Variants in FKBP3 observed in about 807,000 individuals in gnomAD.
The protein encoded by FKBP3 is FKBP prolyl isomerase 3, also known as peptidyl-prolyl cis-trans isomerase FKBP3.
Under a neutral mutation model 30.6 loss-of-function variants are expected in FKBP3, and 21 were observed. That is an observed-to-expected ratio of 0.69 (90% confidence interval 0.49 to 0.99). FKBP3 has a LOEUF of 0.99. Among genes scored for constraint, FKBP3 ranks in the 50% least tolerant of loss-of-function variants. The pLI is 0.00. For synonymous variants in FKBP3, 82 were observed against 91.3 expected (o/e 0.90, Z 0.58); for missense variants, 283 against 261.6 (o/e 1.08, Z -0.56).
At chr14:45,130,525 T>C (rs1885190028) in intron 2 of FKBP3, among the ~76,000 whole-genome samples, 174 bp downstream of exon 2, 1 of 152,250 alleles carries the variant, frequency 6.6e-6, no homozygotes, top group Admixed American at 6.5e-5. Flanking sequence ...CATTCTGCCA[T>C]ACTGCAGATT....
In FKBP3 at chr14:45,130,732, C is replaced by A. The variant is rs1885194672; in HGVS notation, c.177G>T (p.Leu59Phe). ...NVAKTANKDHLVTAYNHLFET... is the reference protein window; with the variant it reads ...NVAKTANKDHFVTAYNHLFET... The stretch of plus-strand genomic sequence containing the variant: ...CAAAAAGATGGTTATAGGCTGTAAC[C>A]AAGTGGTCCTTGTTAGCTGTCTTGG... The change falls in exon 2 of 7, where the codon TTG (leucine) becomes TTT (phenylalanine). Residue 59 changes from leucine (L) to phenylalanine (F), a missense_variant. Physicochemically the swap from Leu to Phe is conservative, Grantham distance 22. Coordinates refer to ENST00000396062, the MANE Select transcript of FKBP3 (RefSeq NM_002013.4). 1.2e-6 allele frequency: 2 copies of A among 1,609,830 alleles called. No individual in the cohort carries two copies. The highest frequency in any genetic ancestry group is 1.7e-6 in the Non-Finnish European group (2 of 1,177,960).
intron 6 of FKBP3, 172 bp from the exon 7 acceptor site, chr14:45,116,424 G>C: frequency 1.9e-6 from 1 of 515,050 alleles, no homozygotes; most frequent in Non-Finnish European, 3.5e-6. Flanking sequence ...ACTTAATGAA[G>C]ACTATTAAGT....
At chr14:45,120,662 T>C (rs1297535423) in intron 5 of FKBP3, among the ~76,000 whole-genome samples, 1 of 152,208 alleles carries the variant, frequency 6.6e-6, no homozygotes, top group Non-Finnish European at 1.5e-5. Flanking sequence ...GCTCATTTAA[T>C]CTTCTAAAAA....
chr14:45,119,118 A>G (rs567462842), intron 5 of FKBP3, among the ~76,000 whole-genome samples: 13 of 152,334 alleles, frequency 8.5e-5, no homozygotes, highest in African/African-American at 2.4e-4. Flanking sequence ...TGGCCTCTCC[A>G]TATTTTCCAA....
chr14:45,128,311 T>C (rs1885143605), intron 3 of FKBP3, among the ~76,000 whole-genome samples: 1 of 152,122 alleles, frequency 6.6e-6, no homozygotes, highest in Admixed American at 6.6e-5. Context: ...CACTCCAGCC[T>C]GGGTGAGACT....
chr14:45,117,886 T>G (rs1165777025), intron 6 of FKBP3, 142 bp downstream of exon 6: 1 of 645,286 alleles, frequency 1.5e-6, no homozygotes, highest in Non-Finnish European at 2.7e-6. Flanking sequence ...TGCTGACACA[T>G]AAGCATCTAA....
At chr14:45,119,632 G>T (rs555942321) in intron 5 of FKBP3, among the ~76,000 whole-genome samples, 2 of 151,538 alleles carry the variant, frequency 1.3e-5, no homozygotes, top group Non-Finnish European at 2.9e-5. Flanking sequence ...TACAGAAATA[G>T]AAAAATGGCC....
intron 3 of FKBP3, among the ~76,000 whole-genome samples, chr14:45,128,594 A>G (rs1885149822): frequency 6.6e-6 from 1 of 152,234 alleles, no homozygotes; most frequent in Non-Finnish European, 1.5e-5. Context: ...GACAGAGAGT[A>G]GACAACGAGG....
intron 3 of FKBP3, among the ~76,000 whole-genome samples, chr14:45,126,747 T>A (rs1198064270): frequency 6.6e-6 from 1 of 152,080 alleles, no homozygotes; most frequent in Non-Finnish European, 1.5e-5. Context: ...TTCTGAGTAT[T>A]CTGAGGCAGG....
At chr14:45,120,382 T>C (rs373268587) in intron 5 of FKBP3, among the ~76,000 whole-genome samples, 2 of 152,244 alleles carry the variant, frequency 1.3e-5, no homozygotes, top group South Asian at 2.1e-4. Context: ...CATGTTTGAA[T>C]GATTTTCTGG....
chr14:45,132,165 T>C (rs1885231062), intron 1 of FKBP3, among the ~76,000 whole-genome samples: 1 of 152,192 alleles, frequency 6.6e-6, no homozygotes, highest in Non-Finnish European at 1.5e-5. Flanking sequence ...CACTATTGTA[T>C]TTTTTTCTTT....
chr14:45,123,256 C>T (rs1885024712), intron 3 of FKBP3, among the ~76,000 whole-genome samples: 3 of 151,938 alleles, frequency 2.0e-5, no homozygotes, highest in Admixed American at 1.3e-4. Flanking sequence ...CCTGACCAAA[C>T]CCTAGCTAGG....
chr14:45,122,750 G>T (rs1463994787), intron 3 of FKBP3, among the ~76,000 whole-genome samples: 1 of 151,868 alleles, frequency 6.6e-6, no homozygotes, highest in Non-Finnish European at 1.5e-5. Context: ...TGATCCGCCC[G>T]CCTCGGCCTC....
rs1415391167 is a variant in FKBP3, at chr14:45,134,382, A to G, written c.75T>C (p.Ile25=). 4 of 1,613,796 alleles carry G rather than the reference A, an allele frequency of 2.5e-6. No individual in the cohort carries two copies. The highest frequency in any genetic ancestry group is 3.4e-6 in the Non-Finnish European group (4 of 1,179,858). ...AACCGTGTTCCTGCAGAAACTTGATAATGTCCTTCTTGGGCAGCTGCTCAC... is the reference window on the plus strand; with the variant it reads ...AACCGTGTTCCTGCAGAAACTTGATGATGTCCTTCTTGGGCAGCTGCTCAC... ...LRSEQLPKKD[I]IKFLQEHGSD... Residue 25 remains isoleucine (I), a synonymous_variant, in exon 1 of 7, where the codon ATT becomes ATC. Coordinates refer to ENST00000396062, the MANE Select transcript of FKBP3 (RefSeq NM_002013.4).
rs751251206 is a variant in FKBP3, at chr14:45,116,272, A to T, written c.621-20T>A. On this transcript the variant is annotated intron_variant, in intron 6 of 6. Coordinates refer to ENST00000396062, the MANE Select transcript of FKBP3 (RefSeq NM_002013.4). ...GGAATTCTGTTGAAGAAGTCAAGGTACATTTGATAAAAAGTGCCTCTCCCC... is the reference window on the plus strand; with the variant it reads ...GGAATTCTGTTGAAGAAGTCAAGGTTCATTTGATAAAAAGTGCCTCTCCCC... The T allele has an allele frequency of 1.2e-6, 2 of 1,606,404 alleles. No individual in the cohort carries two copies. Among genetic ancestry groups the T allele is most frequent in the African/African-American group, 2.7e-5 (2 of 74,732 alleles).
intron 1 of FKBP3, among the ~76,000 whole-genome samples, chr14:45,132,386 G>A (rs1209182617): frequency 6.6e-6 from 1 of 151,954 alleles, no homozygotes; most frequent in Admixed American, 6.6e-5. Context: ...AAGTGTTAAT[G>A]ATCACCGGAG....
chr14:45,132,424 G>C (rs1885237532), intron 1 of FKBP3, among the ~76,000 whole-genome samples: 1 of 152,016 alleles, frequency 6.6e-6, no homozygotes, highest in Non-Finnish European at 1.5e-5. Context: ...TTGAGACAGA[G>C]TCTAGCTCTG....
chr14:45,119,949 C>T (rs1884947408), intron 5 of FKBP3, among the ~76,000 whole-genome samples: 2 of 152,026 alleles, frequency 1.3e-5, no homozygotes, highest in Non-Finnish European at 2.9e-5. Flanking sequence ...CTCGGCCTCC[C>T]AAATTGCTGC....
At chr14:45,119,831 G>C (rs913386561) in intron 5 of FKBP3, among the ~76,000 whole-genome samples, 1 of 151,732 alleles carries the variant, frequency 6.6e-6, no homozygotes, top group Admixed American at 6.6e-5. Flanking sequence ...GGGACTACAG[G>C]CAAGTGCCAC....
Sources: gnomAD v4.1 joint callset for allele counts (sites outside exome capture counted in the v4.1 genomes callset) on GRCh38, gnomAD v4.1.1 for gene constraint, MANE v1.5 for transcripts, NCBI Gene and HGNC (gene_info 2026-07-23, HGNC 2026-07-21) for gene names.